The following HPD variants were observed in gnomAD, a reference collection of about 807,000 sequenced individuals.
HPD encodes the protein 4-hydroxyphenylpyruvate dioxygenase.
A neutral mutation model predicts 56.9 loss-of-function variants in HPD; 35 were observed. That is an observed-to-expected ratio of 0.62 (90% confidence interval 0.47 to 0.82). The LOEUF is 0.82. Ranked by LOEUF, HPD falls within the 40% of genes least tolerant of loss-of-function variation. The pLI, the probability that HPD is intolerant of heterozygous loss-of-function variation, is 0.00. For missense variants in HPD, 442 were observed against 506.8 expected, an observed-to-expected ratio of 0.87 and a Z score of 1.23; for synonymous variants, 186 against 200.2, an observed-to-expected ratio of 0.93 and a Z score of 0.60.
At chr12:121,887,539 AT>A in the HPD span, among the ~76,000 whole-genome samples, 1 of 151,128 alleles carries the variant, frequency 6.6e-6, no homozygotes, top group Non-Finnish European at 1.5e-5. Flanking sequence ...CCCGGCTAAT[AT>A]TTTATATTTT....
the HPD span, among the ~76,000 whole-genome samples, chr12:121,881,707 T>G: frequency 6.6e-6 from 1 of 151,320 alleles, no homozygotes; most frequent in Non-Finnish European, 1.5e-5. Context: ...AGTGCAGTGG[T>G]GCGATCTTGG....
chr12:121,856,370 A>T lies in HPD; in HGVS notation c.278T>A (p.Val93Glu). ...TTCCACCTCGAACGCAATGTCCTTC[A>T]CTCCGTCACCGTGTTTCACCAGGTG... ...GDHLVKHGDG[V>E]KDIAFEVEDC... The change falls in exon 6 of 14, where the codon GTG (valine) becomes GAG (glutamate). Residue 93 changes from valine (V) to glutamate (E), a missense_variant. Physicochemically the swap from Val to Glu is moderately radical, Grantham distance 121 (BLOSUM62 -2). Coordinates refer to ENST00000289004, the MANE Select transcript of HPD (RefSeq NM_002150.3). The T allele has an allele frequency of 6.2e-7, 1 of 1,613,398 alleles. No individual in the cohort carries two copies. Among genetic ancestry groups the T allele is most frequent in the Non-Finnish European group, 8.5e-7 (1 of 1,179,820 alleles).
chr12:121,877,699 C>T, the HPD span, among the ~76,000 whole-genome samples: 1 of 152,008 alleles, frequency 6.6e-6, no homozygotes, highest in Admixed American at 6.6e-5. Context: ...TGCCACTGCG[C>T]TCCAGCCTGG....
upstream of HPD, among the ~76,000 whole-genome samples, chr12:121,866,941 A>G (rs371345533): frequency 2.6e-3 from 396 of 152,166 alleles, 3 homozygotes; most frequent in African/African-American, 9.2e-3. Flanking sequence ...CCCTCATCCC[A>G]ACCCCTGGCA....
At chr12:121,858,749 T>C (rs2137635579) in intron 1 of HPD, 36 bp from the exon 2 acceptor site, 1 of 1,613,810 alleles carries the variant, frequency 6.2e-7, no homozygotes, top group Non-Finnish European at 8.5e-7. Flanking sequence ...GACTTGGAGG[T>C]TCCAACACAA....
At chr12:121,848,698 CG>C (rs2137618015) in intron 9 of HPD, among the ~76,000 whole-genome samples, 1 of 152,204 alleles carries the variant, frequency 6.6e-6, no homozygotes, top group African/African-American at 2.4e-5. Context: ...CTCCACCTCC[CG>C]GGTTCAAGCG....
Position 121,851,687 on chromosome 12 carries a change from A to ATTTT in HPD, c.415-1898_415-1897insAAAA, listed in dbSNP as rs1267886581. Reference sequence around the variant, plus strand: ...CTTTTTAAAACATTTTTATTCATTTATTTATTTATTTATTTTTTTTTTTTT... The same window carrying ATTTT: ...CTTTTTAAAACATTTTTATTCATTTATTTTTTTATTTATTTATTTTTTTTTTTTT... On this transcript the variant is annotated intron_variant, in intron 7 of 13. Transcript: ENST00000289004. Among the ~76,000 whole-genome samples, 3 of 92,400 alleles carry ATTTT rather than the reference A, an allele frequency of 3.2e-5. 1 individual carries two copies. The highest frequency in any genetic ancestry group is 1.3e-4 in the African/African-American group (3 of 23,390). The allele number at this position is 92,400 out of a possible 152,430, so 60.6% of individuals were successfully genotyped here.
At chr12:121,846,303 A>G (rs1306695727) in intron 11 of HPD, among the ~76,000 whole-genome samples, 5 of 151,976 alleles carry the variant, frequency 3.3e-5, no homozygotes, top group Admixed American at 6.6e-5. Context: ...TGCAACCTCT[A>G]CCTCCTGAGT....
intron 9 of HPD, among the ~76,000 whole-genome samples, 170 bp from the exon 10 acceptor site, chr12:121,847,384 CAG>C (rs1488946582): frequency 6.6e-6 from 1 of 152,108 alleles, no homozygotes; most frequent in East Asian, 1.9e-4. Flanking sequence ...TTGCTCGAGA[CAG>C]AGTCTCACTC....
At chr12:121,871,982 C>T in the HPD span, among the ~76,000 whole-genome samples, 1 of 151,006 alleles carries the variant, frequency 6.6e-6, no homozygotes, top group Non-Finnish European at 1.5e-5. Context: ...ACTGTAATCC[C>T]AGCACTTTGG....
At position 121,839,803 on chromosome 12, in the gene HPD, C is replaced by T; in HGVS notation, c.1107G>A (p.Lys369=). 1 of 1,614,212 alleles carries T rather than the reference C, an allele frequency of 6.2e-7. No individual in the cohort carries two copies. The highest frequency in any genetic ancestry group is 8.5e-7 in the Non-Finnish European group (1 of 1,180,036). The change falls in exon 14 of 14, where the codon AAG becomes AAA. Residue 369 remains lysine (K), a synonymous_variant. Coordinates refer to ENST00000289004, the MANE Select transcript of HPD (RefSeq NM_002150.3). ...FGAGNFNSLF[K]AFEEEQNLRG... is the part of the protein sequence containing the mutation. Reference sequence around the variant, plus strand: ...GCAGGTTCTGCTCCTCCTCGAAAGCCTTGAACAGTGAGTTGAAGTTGCCGG... The same window carrying T: ...GCAGGTTCTGCTCCTCCTCGAAAGCTTTGAACAGTGAGTTGAAGTTGCCGG...
the HPD span, among the ~76,000 whole-genome samples, chr12:121,868,640 C>T: frequency 6.6e-6 from 1 of 151,774 alleles, no homozygotes; most frequent in Admixed American, 6.6e-5. Context: ...CTGCCTCAGC[C>T]TCCTGAGTAG....
chr12:121,851,181 G>GT (rs1305134574), intron 7 of HPD, among the ~76,000 whole-genome samples: 1 of 151,562 alleles, frequency 6.6e-6, no homozygotes, highest in Non-Finnish European at 1.5e-5. Context: ...GCTAATTTTT[G>GT]TGTTGTTTTA....
At chr12:121,853,182 G>T (rs1036506588) in intron 7 of HPD, among the ~76,000 whole-genome samples, 4 of 152,098 alleles carry the variant, frequency 2.6e-5, no homozygotes, top group Non-Finnish European at 5.9e-5. Flanking sequence ...TCAGGTGGGG[G>T]AGGTCGGGGA....
intron 11 of HPD, among the ~76,000 whole-genome samples, chr12:121,845,549 C>G (rs748443750): frequency 3.6e-4 from 54 of 149,028 alleles, no homozygotes; most frequent in Non-Finnish European, 6.1e-4. Context: ...TGCAGTGAGC[C>G]GAGATCGCGC....
Position 121,840,786 on chromosome 12 carries a change from A to G in HPD, c.955-738T>C, listed in dbSNP as rs367613014. On this transcript the variant is annotated intron_variant, in intron 12 of 13. Coordinates refer to ENST00000289004, the MANE Select transcript of HPD (RefSeq NM_002150.3). Reference sequence around the variant, plus strand: ...TTAAAATACGGATTAAAAAAAAAAAAGGGGGTGGCCAGGCATGGTGGCTCA... The same window carrying G: ...TTAAAATACGGATTAAAAAAAAAAAGGGGGGTGGCCAGGCATGGTGGCTCA... 1.1e-3 allele frequency among the ~76,000 whole-genome samples: 172 copies of G among 151,178 alleles called. No individual in the cohort carries two copies. The South Asian group carries it at 0.015, about 13-fold the overall frequency.
the HPD span, among the ~76,000 whole-genome samples, chr12:121,879,472 T>TTTCTCTTCTCTTCTCTTCTC: frequency 1.5e-4 from 5 of 32,620 alleles, no homozygotes; most frequent in East Asian, 2.3e-3. Context: ...TTTCTTTCCT[T>TTTCTCTTCTCTTCTCTTCTC]TTCTCTTCTG....
Position 121,839,627 on chromosome 12 carries a change from G to T in HPD, c.*101C>A. On this transcript the variant is annotated 3_prime_UTR_variant, in exon 14 of 14. Transcript: ENST00000289004. ...GGAGCCTTGGGGGCCGAGTCCGCTG[G>T]TGGGCGGGACCCAAGGGGAGCAGCC... 1 of 884,480 alleles carries T rather than the reference G, an allele frequency of 1.1e-6. No homozygotes were observed. Among genetic ancestry groups the T allele is most frequent in the Non-Finnish European group, 1.9e-6 (1 of 536,890 alleles). 54.8% of individuals were successfully genotyped at this position (884,480 alleles called of 1,614,324 possible).
At chr12:121,841,044 A>T (rs925621363) in intron 12 of HPD, among the ~76,000 whole-genome samples, 3 of 151,922 alleles carry the variant, frequency 2.0e-5, no homozygotes, top group Non-Finnish European at 2.9e-5. Flanking sequence ...AAATAAAAAT[A>T]AAAATAAATT....
Sources: allele counts gnomAD v4.1 joint callset (sites outside exome capture counted in the v4.1 genomes callset), GRCh38; gene constraint gnomAD v4.1.1; transcripts MANE v1.5; gene names NCBI Gene and HGNC (gene_info 2026-07-23, HGNC 2026-07-21).